The following EMILIN3 variants were observed in gnomAD, a reference collection of about 807,000 sequenced individuals.
The protein encoded by EMILIN3 is EMILIN-3.
EMILIN3 carries 38 observed loss-of-function variants against 42.8 expected under a neutral mutation model. The ratio of observed to expected loss-of-function variants is 0.89; its 90% CI spans 0.69 to 1.16. The LOEUF is 1.16. Among genes scored for constraint, EMILIN3 ranks in the 50% most tolerant of loss-of-function variants. The pLI, the probability that EMILIN3 is intolerant of heterozygous loss-of-function variation, is 0.00. For missense variants in EMILIN3, 924 were observed against 999.5 expected (o/e 0.92, Z 1.02); for synonymous variants, 430 against 440.5 (o/e 0.98, Z 0.30).
Position 41,362,634 on chromosome 20 carries a change from C to G in EMILIN3, c.935G>C (p.Trp312Ser). Residue 312 changes from tryptophan to serine, a missense_variant, in exon 4 of 4, where the codon TGG (tryptophan) becomes TCG (serine). Trp to Ser is a radical substitution (Grantham distance 177). Transcript: ENST00000332312. The part of the protein sequence containing the change: ...EYVDRRLHRL[W>S]GSLLDGFEQK... Reference sequence around the variant, plus strand: ...CTCAAAGCCATCCAGCAGGCTCCCCCAGAGTCGGTGCAGCCGTCGGTCCAC... The same window carrying G: ...CTCAAAGCCATCCAGCAGGCTCCCCGAGAGTCGGTGCAGCCGTCGGTCCAC... 1 of 1,606,850 alleles carries G rather than the reference C, an allele frequency of 6.2e-7. No homozygotes were observed. Among genetic ancestry groups the G allele is most frequent in the East Asian group, 2.2e-5 (1 of 44,856 alleles).
intron 2 of EMILIN3, 137 bp downstream of exon 2, chr20:41,364,898 C>G: frequency 7.4e-7 from 1 of 1,345,286 alleles, no homozygotes; most frequent in Non-Finnish European, 1.0e-6. Context: ...GCCTTCTACT[C>G]TGGCCTGTAT....
In EMILIN3 at chr20:41,365,112, T is replaced by C; in HGVS notation, c.213A>G (p.Leu71=). Residue 71 remains leucine, a synonymous_variant, in exon 2 of 4, where the codon CTA becomes CTG. Coordinates refer to ENST00000332312, the MANE Select transcript of EMILIN3 (RefSeq NM_052846.2). ...TTACGTAGCTCTCCGCTCCCTCCTGTAGGATGCAGGTCACATTCCTGTGCA... is the reference window on the plus strand; with the variant it reads ...TTACGTAGCTCTCCGCTCCCTCCTGCAGGATGCAGGTCACATTCCTGTGCA... ...YVVHRNVTCI[L]QEGAESYVKA... is the part of the protein sequence containing the mutation. The C allele has an allele frequency of 6.2e-7, 1 of 1,613,998 alleles. No individual in the cohort carries two copies. The highest frequency in any genetic ancestry group is 1.3e-5 in the African/African-American group (1 of 75,034).
In EMILIN3 at chr20:41,366,787, T is replaced by G; in HGVS notation, c.-153A>C. On this transcript the variant is annotated 5_prime_UTR_variant, in exon 1 of 4. Transcript: ENST00000332312. This position sits in a 1 kb window ranked among gnomAD's most constrained non-coding sequence, Gnocchi z 4.2. ...CCCCGAGCTCGCTGGCCCGGCCGCC[T>G]GGCGCTTCGCGGCGGCTGCGTCCCG... is the stretch of plus-strand genomic sequence containing the variant. The G allele has an allele frequency of 2.6e-6, 1 of 380,512 alleles. No homozygotes were observed. Among genetic ancestry groups the G allele is most frequent in the Non-Finnish European group, 3.6e-6 (1 of 277,564 alleles). The allele number at this position is 380,512 out of a possible 1,614,324, so 23.6% of individuals were successfully genotyped here. A position where few individuals can be genotyped will look rare whatever the true frequency, so the allele number is the denominator to read the frequency against.
rs143410015 is a variant in EMILIN3 at position 41,363,769 on chromosome 20, C to G, written c.383G>C (p.Arg128Pro). 2.7e-5 allele frequency: 44 copies of G among 1,614,150 alleles called. No individual in the cohort carries two copies. In the East Asian group the frequency reaches 9.6e-4, roughly 35 times the overall value. The change falls in exon 3 of 4, where the codon CGC becomes CCC. Residue 128 changes from arginine to proline, a missense_variant. By Grantham distance (103) the Arg-to-Pro change is moderately radical (BLOSUM62 -2). Coordinates refer to ENST00000332312, the MANE Select transcript of EMILIN3 (RefSeq NM_052846.2). ...ATGGTCCGTGAGGTGCTCAGGGCAG[C>G]GTTTCCCAGTGAAGCCGGGACAGCA... is the stretch of plus-strand genomic sequence containing the variant. Reference protein sequence around the residue: ...WRCCPGFTGKRCPEHLTDHGA... With the variant: ...WRCCPGFTGKPCPEHLTDHGA...
chr20:41,363,568 C>T, intron 3 of EMILIN3, 70 bp downstream of exon 3: 2 of 1,452,264 alleles, frequency 1.4e-6, no homozygotes, highest in Middle Eastern at 2.5e-4. Context: ...TGGGATCAGT[C>T]CCCTCCCTGC....
chr20:41,366,501 C>A lies in EMILIN3; in HGVS notation c.134G>T (p.Gly45Val). The A allele has an allele frequency of 8.7e-7, 1 of 1,155,346 alleles. No individual in the cohort carries two copies. The highest frequency in any genetic ancestry group is 1.1e-6 in the Non-Finnish European group (1 of 939,938). The allele number at this position is 1,155,346 out of a possible 1,614,324, so 71.6% of individuals were successfully genotyped here. A position where few individuals can be genotyped will look rare whatever the true frequency, so the allele number is the denominator to read the frequency against. The stretch of plus-strand genomic sequence containing the variant: ...CCCCGGGCGCAGCCGCGGGCGCCAT[C>A]CCGTCGTGTAGAGACTGTAGCGGGA... ...GASRYSLYTT[G>V]WRPRLRPGPH... The change falls in exon 1 of 4, where the codon GGA becomes GTA. Residue 45 changes from glycine to valine, a missense_variant. Coordinates refer to ENST00000332312, the MANE Select transcript of EMILIN3 (RefSeq NM_052846.2). The surrounding 1 kb of genome is among the most constrained non-coding windows in gnomAD (Gnocchi z 4.2).
rs2046355090 is a variant in EMILIN3, at chr20:41,361,177, A to T, written c.*91T>A. ...TTAGTGCCATTTGGGCTAGCCAGGGAAGGCTGGAAGGCGCTGCTGGATAAG... is the reference window on the plus strand; with the variant it reads ...TTAGTGCCATTTGGGCTAGCCAGGGTAGGCTGGAAGGCGCTGCTGGATAAG... On this transcript the variant is annotated 3_prime_UTR_variant, in exon 4 of 4. Coordinates refer to ENST00000332312, the MANE Select transcript of EMILIN3 (RefSeq NM_052846.2). 7.7e-7 allele frequency: 1 copy of T among 1,295,146 alleles called. No homozygotes were observed. The highest frequency in any genetic ancestry group is 1.0e-6 in the Non-Finnish European group (1 of 961,732). 80.2% of individuals were successfully genotyped at this position (1,295,146 alleles called of 1,614,324 possible). A position where few individuals can be genotyped will look rare whatever the true frequency, so the allele number is the denominator to read the frequency against.
Position 41,361,176 on chromosome 20 carries a change from G to GCGCTAGCCAGCCC in EMILIN3, c.*91_*92insGGGCTGGCTAGCG. The GCGCTAGCCAGCCC allele has an allele frequency of 1.5e-6, 2 of 1,291,638 alleles. No homozygotes were observed. Among genetic ancestry groups the GCGCTAGCCAGCCC allele is most frequent in the South Asian group, 3.1e-5 (2 of 65,374 alleles). The allele number at this position is 1,291,638 out of a possible 1,614,324, so 80.0% of individuals were successfully genotyped here. A position where few individuals can be genotyped will look rare whatever the true frequency, so the allele number is the denominator to read the frequency against. ...CTTAGTGCCATTTGGGCTAGCCAGG[G>GCGCTAGCCAGCCC]AAGGCTGGAAGGCGCTGCTGGATAA... is the stretch of plus-strand genomic sequence containing the variant. On this transcript the variant is annotated 3_prime_UTR_variant, in exon 4 of 4. Coordinates refer to ENST00000332312, the MANE Select transcript of EMILIN3 (RefSeq NM_052846.2).
rs777095908 is a variant in EMILIN3 at position 41,361,779 on chromosome 20, G to T, written c.1790C>A (p.Ser597Ter). The change falls in exon 4 of 4, where the codon TCG becomes TAG. Residue 597 changes from serine to a stop codon, truncating the protein, a stop_gained. Transcript: ENST00000332312. LOFTEE classifies it high-confidence loss of function. ...LKVNLNSVSK[S>*]LTGLSDSVSQ... ...GACAGAGTCACTGAGGCCTGTGAGC[G>T]ACTTGCTCACTGAGTTCAGATTGAC... 6.2e-7 allele frequency: 1 copy of T among 1,613,500 alleles called. No individual in the cohort carries two copies. Among genetic ancestry groups the T allele is most frequent in the Non-Finnish European group, 8.5e-7 (1 of 1,180,040 alleles).
chr20:41,362,519 C>A lies in EMILIN3; in HGVS notation c.1050G>T (p.Arg350Ser). 6.3e-7 allele frequency: 1 copy of A among 1,599,362 alleles called. No homozygotes were observed. The highest frequency in any genetic ancestry group is 8.5e-7 in the Non-Finnish European group (1 of 1,179,386). ...CCCGGCCATCAAGGCTCTGGTGCAG[C>A]CTCCGGCTGGCGGCCTGACCCTCCT... ...QCEEGQAASR[R>S]LHQSLDGREL... Residue 350 changes from arginine to serine, a missense_variant, in exon 4 of 4, where the codon AGG (arginine) becomes AGT (serine). By Grantham distance (110) the Arg-to-Ser change is moderately radical. Transcript: ENST00000332312.
rs747324299 is a variant in EMILIN3 at position 41,363,618 on chromosome 20, G to A, written c.514+20C>T. The A allele has an allele frequency of 9.4e-6, 15 of 1,587,868 alleles. No homozygotes were observed. The East Asian group carries it at 3.4e-4, about 36-fold the overall frequency. On this transcript the variant is annotated intron_variant, in intron 3 of 3. Coordinates refer to ENST00000332312, the MANE Select transcript of EMILIN3 (RefSeq NM_052846.2). Reference sequence around the variant, plus strand: ...CCAAGAAACCCAATCACCTTGGAGGGTCTCCTTGGGCAGACTCACCATGAG... The same window carrying A: ...CCAAGAAACCCAATCACCTTGGAGGATCTCCTTGGGCAGACTCACCATGAG...
At position 41,362,393 on chromosome 20, in the gene EMILIN3, A is replaced by G; in HGVS notation, c.1176T>C (p.Asn392=). Residue 392 remains asparagine (N), a synonymous_variant, in exon 4 of 4, where the codon AAT becomes AAC. Transcript: ENST00000332312. ...CCCTCTCAAGGCCATCCATACGGGC[A>G]TTGATCAAGGCTAGTTGCCCACAGC... ...GSCCGQLALI[N]ARMDGLERAL... is the part of the protein sequence containing the mutation. The G allele has an allele frequency of 3.1e-6, 5 of 1,603,974 alleles. No individual in the cohort carries two copies. The highest frequency in any genetic ancestry group is 4.2e-6 in the Non-Finnish European group (5 of 1,179,936).
chr20:41,361,694 C>T lies in EMILIN3; in HGVS notation c.1875G>A (p.Lys625=), dbSNP rs2147033690. 2 of 1,609,370 alleles carry T rather than the reference C, an allele frequency of 1.2e-6. No homozygotes were observed. Among genetic ancestry groups the T allele is most frequent in the African/African-American group, 2.7e-5 (2 of 75,022 alleles). The change falls in exon 4 of 4, where the codon AAG becomes AAA. Residue 625 remains lysine, a synonymous_variant. Transcript: ENST00000332312. ...ANTSLDERER[K]VEAEVQAIQE... ...GGATGGCCTGGACTTCGGCTTCCAC[C>T]TTGCGTTCCCGCTCATCCAGGGACG...
At position 41,362,490 on chromosome 20, in the gene EMILIN3, A is replaced by T; in HGVS notation, c.1079T>A (p.Leu360Gln). 2 of 1,599,374 alleles carry T rather than the reference A, an allele frequency of 1.3e-6. No individual in the cohort carries two copies. The highest frequency in any genetic ancestry group is 1.7e-6 in the Non-Finnish European group (2 of 1,179,412). The change falls in exon 4 of 4, where the codon CTG becomes CAG. Residue 360 changes from leucine to glutamine, a missense_variant. Physicochemically the swap from Leu to Gln is moderately radical, Grantham distance 113. Coordinates refer to ENST00000332312, the MANE Select transcript of EMILIN3 (RefSeq NM_052846.2). ...CTGTGACAGCTCCTGGCGCAGGGCC[A>T]GCTCCCGGCCATCAAGGCTCTGGTG... ...RLHQSLDGRE[L>Q]ALRQELSQLG...
At chr20:41,364,520 C>G (rs544004569) in intron 2 of EMILIN3, among the ~76,000 whole-genome samples, 25 of 152,272 alleles carry the variant, frequency 1.6e-4, no homozygotes, top group Admixed American at 1.4e-3. Flanking sequence ...AGGTTTGTTT[C>G]CACACACACA....
intron 2 of EMILIN3, among the ~76,000 whole-genome samples, 167 bp downstream of exon 2, chr20:41,364,868 G>A (rs1017332378): frequency 2.0e-5 from 3 of 152,152 alleles, no homozygotes; most frequent in African/African-American, 7.2e-5. Flanking sequence ...GTCCTCCTTG[G>A]CACCCTCTTT....
At position 41,366,393 on chromosome 20, in the gene EMILIN3, G is replaced by A. The variant is rs2046393982; in HGVS notation, c.167+75C>T. On this transcript the variant is annotated intron_variant, in intron 1 of 3. Transcript: ENST00000332312. The surrounding 1 kb of genome is among the most constrained non-coding windows in gnomAD (Gnocchi z 4.2). Reference sequence around the variant, plus strand: ...CCCGGGGCCTCGACGCCCCCCGCGGGTGCGGGCAGGTGGGAGCGGCGACGC... The same window carrying A: ...CCCGGGGCCTCGACGCCCCCCGCGGATGCGGGCAGGTGGGAGCGGCGACGC... The A allele has an allele frequency of 9.5e-7, 1 of 1,050,450 alleles. No individual in the cohort carries two copies. Among genetic ancestry groups the A allele is most frequent in the African/African-American group, 1.7e-5 (1 of 58,624 alleles). 65.1% of individuals were successfully genotyped at this position (1,050,450 alleles called of 1,614,324 possible).
rs758866922 is a variant in EMILIN3, at chr20:41,361,413, C to T, written c.2156G>A (p.Arg719Lys). ...ATGGCTCCACAGGCCCTCTCTGGGC[C>T]TCAGTGGCTCAGTGGGCAAGCTGTC... The part of the protein sequence containing the change: ...GLDSLPTEPL[R>K]PREGLWSHVD... Residue 719 changes from arginine (R) to lysine (K), a missense_variant, in exon 4 of 4, where the codon AGG becomes AAG. Transcript: ENST00000332312. The T allele has an allele frequency of 1.2e-6, 2 of 1,611,004 alleles. No individual in the cohort carries two copies. Among genetic ancestry groups the T allele is most frequent in the Non-Finnish European group, 1.7e-6 (2 of 1,178,666 alleles).
At position 41,361,823 on chromosome 20, in the gene EMILIN3, G is replaced by A. The variant is rs770942609; in HGVS notation, c.1746C>T (p.Gly582=). 3.5e-5 allele frequency: 56 copies of A among 1,613,424 alleles called. No individual in the cohort carries two copies. The highest frequency in any genetic ancestry group is 4.4e-5 in the South Asian group (4 of 91,094). The change falls in exon 4 of 4, where the codon GGC becomes GGT. Residue 582 remains glycine, a synonymous_variant. Transcript: ENST00000332312. Reference sequence around the variant, plus strand: ...GATTGACCTTGAGCAGAGTGATCTCGCCTTGAAGTGAGCTGCCCGTCCCTT... The same window carrying A: ...GATTGACCTTGAGCAGAGTGATCTCACCTTGAAGTGAGCTGCCCGTCCCTT... ...LAEGTGSSLQ[G]EITLLKVNLN...
Sources: gnomAD v4.1 joint callset for allele counts (sites outside exome capture counted in the v4.1 genomes callset) on GRCh38, gnomAD v4.1.1 for gene constraint, Gnocchi (gnomAD v3.1) non-coding constraint, MANE v1.5 for transcripts, NCBI Gene and HGNC (gene_info 2026-07-23, HGNC 2026-07-21) for gene names.